Variants in FKBP5 observed in about 807,000 individuals in gnomAD.
FKBP5 encodes peptidyl-prolyl cis-trans isomerase FKBP5.
In FKBP5, 23 loss-of-function variants were observed where a neutral mutation model predicts 50.5. The ratio of observed to expected loss-of-function variants is 0.46; its 90% CI spans 0.33 to 0.65. The LOEUF (loss-of-function observed/expected upper bound fraction) is 0.65, where lower values mean the gene tolerates loss of function less well. FKBP5 is among the 30% of genes least tolerant of loss of function. FKBP5 has a pLI of 0.02. For missense variants in FKBP5, 411 were observed against 553.1 expected (o/e 0.74, Z 2.58); for synonymous variants, 176 against 190.6 (o/e 0.92, Z 0.63).
chr6:35,619,286 C>T (rs557843832), intron 4 of FKBP5, 76 bp from the exon 5 acceptor site: 5 of 799,194 alleles, frequency 6.3e-6, no homozygotes, highest in Non-Finnish European at 1.0e-5. Context: ...CAAGGGCAAC[C>T]AATTATTTCA....
chr6:35,714,416 C>T (rs1041839177), intron 2 of FKBP5, among the ~76,000 whole-genome samples: 1 of 130,510 alleles, frequency 7.7e-6, no homozygotes, highest in Non-Finnish European at 1.6e-5. Context: ...GGAGACATTG[C>T]ACTTCAGCCT....
chr6:35,586,722 C>T, intron 8 of FKBP5: 1 of 1,189,988 alleles, frequency 8.4e-7, no homozygotes, highest in Non-Finnish European at 1.0e-6. Flanking sequence ...TTGTTGAGTG[C>T]CAACTATGTA....
At chr6:35,579,164 ACTCT>A (rs111398353) in intron 9 of FKBP5, among the ~76,000 whole-genome samples, 13,013 of 148,024 alleles carry the variant, frequency 0.088, 1,034 homozygotes, top group African/African-American at 0.22. Context: ...GCGCGCACAC[ACTCT>A]CTCTCTCTCT....
At chr6:35,633,058 CTA>C (rs1199137943) in intron 3 of FKBP5, among the ~76,000 whole-genome samples, 2 of 151,818 alleles carry the variant, frequency 1.3e-5, no homozygotes, top group African/African-American at 4.8e-5. Flanking sequence ...TCTTATAGTT[CTA>C]TGTTAAATAC....
chr6:35,610,610 A>AT (rs1180762006), intron 5 of FKBP5, among the ~76,000 whole-genome samples: 1 of 147,210 alleles, frequency 6.8e-6, no homozygotes. Context: ...AAATACATTC[A>AT]TTTTCCCTAG....
At chr6:35,608,768 A>G (rs570912967) in intron 5 of FKBP5, among the ~76,000 whole-genome samples, 50 of 152,300 alleles carry the variant, frequency 3.3e-4, no homozygotes, top group African/African-American at 1.2e-3. Flanking sequence ...ACCTTTTGTT[A>G]AAATAACCCA....
intron 2 of FKBP5, among the ~76,000 whole-genome samples, chr6:35,703,037 G>A (rs182977381): frequency 6.0e-4 from 91 of 152,262 alleles, no homozygotes; most frequent in African/African-American, 2.1e-3. Context: ...ATCACCTGAG[G>A]TCAGGAGTTC....
chr6:35,680,656 C>A (rs913573496), intron 1 of FKBP5, among the ~76,000 whole-genome samples: 1 of 152,076 alleles, frequency 6.6e-6, no homozygotes, highest in African/African-American at 2.4e-5. Flanking sequence ...TACCACTTAC[C>A]AATGATCAAG....
chr6:35,718,058 CTCTG>C (rs1766543621), intron 2 of FKBP5, among the ~76,000 whole-genome samples: 1 of 152,206 alleles, frequency 6.6e-6, no homozygotes, highest in Non-Finnish European at 1.5e-5. Flanking sequence ...ATGGAGGCAG[CTCTG>C]TCTCTGTTCT....
rs74805555 is a variant in FKBP5 at position 35,727,087 on chromosome 6, T to A, written c.-241+1421A>T. ...TATGAGCTGGAGCAGCAGAGATGGG[T>A]AGACAGGGAGGACAGGCACTCCTGG... On this transcript the variant is annotated intron_variant, in intron 1 of 11. Coordinates refer to the FKBP5 transcript ENST00000536438. Among the ~76,000 whole-genome samples, 60 of 152,164 alleles carry A rather than the reference T, an allele frequency of 3.9e-4. No homozygotes were observed. The East Asian group carries it at 9.3e-3, about 24-fold the overall frequency.
intron 1 of FKBP5, among the ~76,000 whole-genome samples, chr6:35,685,721 C>T (rs776488620): frequency 1.3e-5 from 2 of 152,146 alleles, no homozygotes; most frequent in African/African-American, 2.4e-5. Context: ...ATGGCTCACG[C>T]CTGTAATACC....
intron 5 of FKBP5, among the ~76,000 whole-genome samples, chr6:35,616,314 C>T (rs1246510284): frequency 7.0e-5 from 4 of 57,448 alleles, no homozygotes; most frequent in Non-Finnish European, 8.8e-5. Flanking sequence ...GACTCCATCT[C>T]AAAAAAAAAA....
intron 5 of FKBP5, among the ~76,000 whole-genome samples, chr6:35,599,407 C>G (rs1763078255): frequency 6.6e-6 from 1 of 152,204 alleles, no homozygotes; most frequent in Non-Finnish European, 1.5e-5. Context: ...GAAGAATGAA[C>G]AGAAATGGTG....
intron 5 of FKBP5, among the ~76,000 whole-genome samples, chr6:35,612,798 C>A (rs937815444): frequency 2.3e-4 from 35 of 152,308 alleles, no homozygotes; most frequent in African/African-American, 7.7e-4. Flanking sequence ...GAGAAAATGC[C>A]CCCCCGATTC....
rs550878351 is a variant in FKBP5 at position 35,666,394 on chromosome 6, T to TAAA, written c.-20+22407_-20+22409dup. Among the ~76,000 whole-genome samples, 83 of 33,250 alleles carry TAAA rather than the reference T, an allele frequency of 2.5e-3. 6 individuals are homozygous for TAAA. Among genetic ancestry groups the TAAA allele is most frequent in the East Asian group, 9.7e-3 (8 of 824 alleles). 21.8% of individuals were successfully genotyped at this position (33,250 alleles called of 152,430 possible). On this transcript the variant is annotated intron_variant, in intron 1 of 10. Transcript: ENST00000357266. ...CATGCAGAAACACTACTATTATAGT[T>TAAA]AAAAAAAAAAAAAAAAAAAAAAAAA...
chr6:35,709,729 T>C (rs1192835704), intron 2 of FKBP5, among the ~76,000 whole-genome samples: 2 of 152,246 alleles, frequency 1.3e-5, no homozygotes, highest in Non-Finnish European at 2.9e-5. Context: ...AAATAACTTA[T>C]GCTTTAAATA....
At chr6:35,636,577 G>A (rs892439767) in intron 3 of FKBP5, among the ~76,000 whole-genome samples, 2 of 152,222 alleles carry the variant, frequency 1.3e-5, no homozygotes, top group Non-Finnish European at 2.9e-5. Context: ...GAAACTCAAA[G>A]ATTGGGTTTC....
Position 35,573,599 on chromosome 6 carries a change from T to C in FKBP5, c.*2236A>G, listed in dbSNP as rs890752088. 6.6e-6 allele frequency: 1 copy of C among 152,130 alleles called. No individual in the cohort carries two copies. The highest frequency in any genetic ancestry group is 1.5e-5 in the Non-Finnish European group (1 of 68,022). The allele number at this position is 152,130 out of a possible 1,614,324, so 9.4% of individuals were successfully genotyped here. A position where few individuals can be genotyped will look rare whatever the true frequency, so the allele number is the denominator to read the frequency against. On this transcript the variant is annotated 3_prime_UTR_variant, in exon 11 of 11. Transcript: ENST00000357266. The stretch of plus-strand genomic sequence containing the variant: ...CAAAAACAATGGGAAGTCACATTTT[T>C]TTTGGATTTATTTAAAGAACACACA...
chr6:35,590,857 G>T (rs911689472), intron 7 of FKBP5, among the ~76,000 whole-genome samples: 2 of 150,612 alleles, frequency 1.3e-5, no homozygotes, highest in African/African-American at 4.9e-5. Flanking sequence ...AACAAATAAG[G>T]GAACAAGTCT....
Sources: allele counts gnomAD v4.1 joint callset (sites outside exome capture counted in the v4.1 genomes callset), GRCh38; gene constraint gnomAD v4.1.1; transcripts MANE v1.5; gene names NCBI Gene and HGNC (gene_info 2026-07-23, HGNC 2026-07-21).